Variants in BBOX1 observed in about 807,000 individuals in gnomAD.
BBOX1 encodes the protein gamma-butyrobetaine dioxygenase.
BBOX1 carries 35 observed loss-of-function variants against 41.6 expected under a neutral mutation model. The observed-to-expected ratio is 0.84, with a 90% CI of 0.64 to 1.11. The LOEUF (loss-of-function observed/expected upper bound fraction) is 1.11, where lower values mean the gene tolerates loss of function less well. Ranked by LOEUF, BBOX1 falls within the 50% of genes most tolerant of loss-of-function variation. BBOX1 has a pLI of 0.00. For synonymous variants in BBOX1, 163 were observed against 154.7 expected, an observed-to-expected ratio of 1.05 and a Z score of -0.40; for missense variants, 458 against 460.6, an observed-to-expected ratio of 0.99 and a Z score of 0.05.
intron 2 of BBOX1, among the ~76,000 whole-genome samples, chr11:27,055,001 T>TA (rs1381439679): frequency 2.6e-5 from 4 of 152,164 alleles, no homozygotes; most frequent in Non-Finnish European, 1.5e-5. Context: ...CCAGTTAAAA[T>TA]AGGACAGGGG....
intron 4 of BBOX1, among the ~76,000 whole-genome samples, chr11:27,081,907 G>GT (rs1465130347): frequency 6.6e-6 from 1 of 152,050 alleles, no homozygotes; most frequent in Admixed American, 6.6e-5. Context: ...GGGGTTGTTT[G>GT]TTTTTTTCTT....
At chr11:27,048,253 C>T (rs113641163) in intron 2 of BBOX1, among the ~76,000 whole-genome samples, 3 of 152,122 alleles carry the variant, frequency 2.0e-5, no homozygotes, top group Admixed American at 2.0e-4. Context: ...ACCAACATAT[C>T]CCCATTTCTC....
At chr11:27,066,660 T>C (rs775982556) in intron 4 of BBOX1, 2 of 144,642 alleles carry the variant, frequency 1.4e-5, no homozygotes, top group Non-Finnish European at 3.0e-5. Flanking sequence ...CTCTGGGCTA[T>C]CCCTTCAGGG....
At chr11:27,070,647 A>T (rs986356119) in intron 4 of BBOX1, among the ~76,000 whole-genome samples, 21 of 148,774 alleles carry the variant, frequency 1.4e-4, no homozygotes, top group African/African-American at 4.0e-4. Flanking sequence ...TTGAATTTGT[A>T]TGAATCCTTA....
At chr11:27,046,919 T>TGC (rs1554933900) in intron 2 of BBOX1, among the ~76,000 whole-genome samples, 155 of 34,200 alleles carry the variant, frequency 4.5e-3, no homozygotes, top group Non-Finnish European at 7.3e-3. Context: ...TGATCTGCAA[T>TGC]TTTTTTTTTA....
intron 4 of BBOX1, among the ~76,000 whole-genome samples, chr11:27,059,551 T>C (rs905963428): frequency 2.0e-5 from 3 of 152,016 alleles, no homozygotes; most frequent in African/African-American, 7.2e-5. Context: ...TCCTGCAGAC[T>C]CCATAATGGT....
chr11:27,120,704 G>T (rs971988518), intron 7 of BBOX1, among the ~76,000 whole-genome samples: 1 of 151,704 alleles, frequency 6.6e-6, no homozygotes, highest in South Asian at 2.1e-4. Flanking sequence ...ATTATACCTC[G>T]ATTAATTTTG....
chr11:27,096,537 G>A (rs1858444235), intron 5 of BBOX1, among the ~76,000 whole-genome samples: 1 of 151,982 alleles, frequency 6.6e-6, no homozygotes, highest in African/African-American at 2.4e-5. Flanking sequence ...GCTTGCTGAT[G>A]GTGCCACGTT....
At chr11:27,053,618 T>C (rs1438870069) in intron 2 of BBOX1, among the ~76,000 whole-genome samples, 1 of 152,162 alleles carries the variant, frequency 6.6e-6, no homozygotes, top group Non-Finnish European at 1.5e-5. Context: ...ATTGGAGCCA[T>C]CTTTGTCTTT....
rs560385358 is a variant in BBOX1 at position 27,077,348 on chromosome 11, C to T, written c.335-15820C>T. 3.3e-5 allele frequency among the ~76,000 whole-genome samples: 5 copies of T among 152,260 alleles called. No homozygotes were observed. In the East Asian group the frequency reaches 5.8e-4, roughly 18 times the overall value. On this transcript the variant is annotated intron_variant, in intron 4 of 8. Coordinates refer to ENST00000263182, the MANE Select transcript of BBOX1 (RefSeq NM_003986.3). Reference sequence around the variant, plus strand: ...GGGTAGGATTAAGGCCTTTCCCCATCGGCTGCATTGCCAGGTTCCCCAGTG... The same window carrying T: ...GGGTAGGATTAAGGCCTTTCCCCATTGGCTGCATTGCCAGGTTCCCCAGTG...
At chr11:27,062,252 T>C (rs1326663757) in intron 4 of BBOX1, among the ~76,000 whole-genome samples, 1 of 152,172 alleles carries the variant, frequency 6.6e-6, no homozygotes, top group African/African-American at 2.4e-5. Flanking sequence ...TTAAAATTGT[T>C]AGGCAACAGA....
rs761384813 is a variant in BBOX1, at chr11:27,119,861, A to G, written c.836+16A>G. ...AAATTATAGAGTAAGTACTATTTAT[A>G]AATTTCCCATAGCAATAAAAGAATT... On this transcript the variant is annotated intron_variant, in intron 7 of 8. Coordinates refer to ENST00000263182, the MANE Select transcript of BBOX1 (RefSeq NM_003986.3). 13 of 1,326,680 alleles carry G rather than the reference A, an allele frequency of 9.8e-6. No homozygotes were observed. The highest frequency in any genetic ancestry group is 1.1e-5 in the Non-Finnish European group (11 of 1,011,622). 82.2% of individuals were successfully genotyped at this position (1,326,680 alleles called of 1,614,324 possible). A position where few individuals can be genotyped will look rare whatever the true frequency, so the allele number is the denominator to read the frequency against.
intron 5 of BBOX1, among the ~76,000 whole-genome samples, chr11:27,115,026 C>T (rs1446417625): frequency 1.3e-5 from 2 of 151,796 alleles, no homozygotes; most frequent in African/African-American, 4.8e-5. Context: ...GTAATATAAA[C>T]GTTTTGAAAC....
chr11:27,096,545 G>A (rs529216962), intron 5 of BBOX1, among the ~76,000 whole-genome samples: 7 of 151,976 alleles, frequency 4.6e-5, no homozygotes, highest in Admixed American at 1.3e-4. Flanking sequence ...ATGGTGCCAC[G>A]TTAGACATGC....
chr11:27,057,253 TG>T lies in BBOX1; in HGVS notation c.273del (p.Lys92ArgfsTer40), dbSNP rs752961531. On this transcript the variant is annotated frameshift_variant, in exon 4 of 9. Coordinates refer to ENST00000263182, the MANE Select transcript of BBOX1 (RefSeq NM_003986.3). LOFTEE classifies it high-confidence loss of function. ...TACAGTGAATTCCAGGCTGATTGGCTGAAGAAAAGATGCTTTTCCAAGCAGG... is the reference window on the plus strand; with the variant it reads ...TACAGTGAATTCCAGGCTGATTGGCTAAGAAAAGATGCTTTTCCAAGCAGG... ...EHYSEFQADW[L>X]KKRCFSKQAR... 2 of 1,612,028 alleles carry T rather than the reference TG, an allele frequency of 1.2e-6. No homozygotes were observed. The highest frequency in any genetic ancestry group is 2.2e-5 in the East Asian group (1 of 44,820).
At position 27,127,648 on chromosome 11, in the gene BBOX1, G is replaced by A. The variant is rs1314495145; in HGVS notation, c.*195G>A. ...TTTTTAGATGTTTCACCACTCTTTTGCAAATAAAGCATCCTTTCTGCTCTG... is the reference window on the plus strand; with the variant it reads ...TTTTTAGATGTTTCACCACTCTTTTACAAATAAAGCATCCTTTCTGCTCTG... On this transcript the variant is annotated 3_prime_UTR_variant, in exon 9 of 9. Transcript: ENST00000263182. 2.7e-5 allele frequency: 16 copies of A among 599,984 alleles called. No individual in the cohort carries two copies. Among genetic ancestry groups the A allele is most frequent in the Non-Finnish European group, 4.1e-5 (15 of 368,648 alleles). The allele number at this position is 599,984 out of a possible 1,614,324, so 37.2% of individuals were successfully genotyped here. A position where few individuals can be genotyped will look rare whatever the true frequency, so the allele number is the denominator to read the frequency against.
intron 2 of BBOX1, among the ~76,000 whole-genome samples, chr11:27,045,245 A>G (rs1036226767): frequency 2.3e-4 from 35 of 152,150 alleles, no homozygotes; most frequent in African/African-American, 8.2e-4. Context: ...TTATTGGTGT[A>G]TAGGAATGCT....
At chr11:27,053,581 A>C (rs1856881051) in intron 2 of BBOX1, among the ~76,000 whole-genome samples, 1 of 152,130 alleles carries the variant, frequency 6.6e-6, no homozygotes. Context: ...GTGTTATTTA[A>C]GGATCTAGTT....
At chr11:27,113,848 C>T (rs1859165634) in intron 5 of BBOX1, among the ~76,000 whole-genome samples, 1 of 148,816 alleles carries the variant, frequency 6.7e-6, no homozygotes, top group Non-Finnish European at 1.5e-5. Flanking sequence ...AGAGCAGAAA[C>T]AAGACAAAAA....
Sources: allele counts gnomAD v4.1 joint callset (sites outside exome capture counted in the v4.1 genomes callset), GRCh38; gene constraint gnomAD v4.1.1; transcripts MANE v1.5; gene names NCBI Gene and HGNC (gene_info 2026-07-23, HGNC 2026-07-21).